Variants in CIITA observed in about 807,000 individuals in gnomAD.
CIITA encodes the protein MHC class II transactivator.
A neutral mutation model predicts 115.1 loss-of-function variants in CIITA; 72 were observed. The observed-to-expected ratio is 0.63, with a 90% CI of 0.52 to 0.76. The LOEUF (loss-of-function observed/expected upper bound fraction) is 0.76, where lower values mean the gene tolerates loss of function less well. Ranked by LOEUF, CIITA falls within the 30% of genes least tolerant of loss-of-function variation. CIITA has a pLI of 0.00. For missense variants in CIITA, 1,617 were observed against 1,463.8 expected, an observed-to-expected ratio of 1.10 and a Z score of -1.71; for synonymous variants, 763 against 635.6, an observed-to-expected ratio of 1.20 and a Z score of -3.02.
At chr16:10,904,925 A>T in intron 10 of CIITA, 113 bp downstream of exon 10, 1 of 1,080,318 alleles carries the variant, frequency 9.3e-7, no homozygotes, top group South Asian at 1.3e-5. Flanking sequence ...TGGCTCACAC[A>T]CTCATTTATT....
intron 1 of CIITA, among the ~76,000 whole-genome samples, chr16:10,884,179 G>C (rs181010521): frequency 3.6e-5 from 5 of 137,508 alleles, no homozygotes; most frequent in African/African-American, 1.3e-4. Flanking sequence ...CTGCTGAGAA[G>C]CCCTTTGGCT....
chr16:10,909,806 T>C (rs374892794), intron 12 of CIITA, among the ~76,000 whole-genome samples: 1 of 152,166 alleles, frequency 6.6e-6, no homozygotes, highest in South Asian at 2.1e-4. Context: ...CGATCATAGC[T>C]TACTGTAGCT....
intron 5 of CIITA, among the ~76,000 whole-genome samples, chr16:10,899,418 C>T (rs1310157229): frequency 6.6e-6 from 1 of 152,180 alleles, no homozygotes; most frequent in Non-Finnish European, 1.5e-5. Context: ...AAACTGTCAC[C>T]TCTTCCTGGA....
chr16:10,908,712 A>G (rs2039348279), intron 11 of CIITA: 1 of 560,240 alleles, frequency 1.8e-6, no homozygotes, highest in Non-Finnish European at 3.2e-6. Context: ...TTTCAGCTTA[A>G]TCGCCAGAGG....
chr16:10,868,668 C>T (rs558521528), intron 1 of CIITA, among the ~76,000 whole-genome samples: 1 of 152,208 alleles, frequency 6.6e-6, no homozygotes, highest in African/African-American at 2.4e-5. Context: ...CTCTCCCTGG[C>T]TGCAGCCCCT....
intron 1 of CIITA, among the ~76,000 whole-genome samples, chr16:10,867,867 C>T (rs989147328): frequency 1.3e-5 from 2 of 152,148 alleles, no homozygotes; most frequent in African/African-American, 4.8e-5. Context: ...GTGATCCTCC[C>T]ACCTCAGCCT....
intron 9 of CIITA, 59 bp from the exon 10 acceptor site, chr16:10,904,685 A>T: frequency 6.3e-7 from 1 of 1,581,316 alleles, no homozygotes; most frequent in Non-Finnish European, 8.7e-7. Context: ...GCCCAGAGGG[A>T]GGGGGGTCCC....
upstream of CIITA, chr16:10,866,234 G>C: frequency 2.0e-6 from 1 of 488,066 alleles, no homozygotes; most frequent in Non-Finnish European, 4.0e-6. Flanking sequence ...TGCATGCTGG[G>C]TGAGCGGAGA....
At chr16:10,898,884 C>T in intron 4 of CIITA, 41 bp from the exon 5 acceptor site, 1 of 1,610,680 alleles carries the variant, frequency 6.2e-7, no homozygotes, top group Non-Finnish European at 8.5e-7. Context: ...CTTGGGCTTT[C>T]ATTGATTGTG....
rs2040786556 is a variant in CIITA at position 10,931,392 on chromosome 16, AG to A, written c.*7538del. On this transcript the variant is annotated 3_prime_UTR_variant, in exon 20 of 20. Coordinates refer to ENST00000324288, the MANE Select transcript of CIITA (RefSeq NM_000246.4). ...CACAAACCGCATCCCCGACAGTCCC[AG>A]CCAGGCGCTAGTCTGGCTGTAGCTG... is the stretch of plus-strand genomic sequence containing the variant. 6.6e-6 allele frequency: 1 copy of A among 152,248 alleles called. No individual in the cohort carries two copies. The highest frequency in any genetic ancestry group is 2.4e-5 in the African/African-American group (1 of 41,446). The allele number at this position is 152,248 out of a possible 1,614,324, so 9.4% of individuals were successfully genotyped here. A position where few individuals can be genotyped will look rare whatever the true frequency, so the allele number is the denominator to read the frequency against.
chr16:10,884,310 G>A (rs1362786823), intron 1 of CIITA, among the ~76,000 whole-genome samples: 1 of 152,210 alleles, frequency 6.6e-6, no homozygotes, highest in Non-Finnish European at 1.5e-5. Context: ...CCATTCAACG[G>A]TGCTGGAATT....
In CIITA at chr16:10,902,813, G is replaced by A. The variant is rs149554407; in HGVS notation, c.772+12G>A. 1.8e-4 allele frequency: 292 copies of A among 1,613,968 alleles called. 1 individual carries two copies. In the African/African-American group the frequency reaches 3.4e-3, roughly 19 times the overall value. Reference sequence around the variant, plus strand: ...ATTCATCTACCATGGTGAGTGCGGGGCCTGGCTCCCCGACCACCTCTCCCT... The same window carrying A: ...ATTCATCTACCATGGTGAGTGCGGGACCTGGCTCCCCGACCACCTCTCCCT... On this transcript the variant is annotated intron_variant, in intron 8 of 19. Coordinates refer to ENST00000324288, the MANE Select transcript of CIITA (RefSeq NM_000246.4).
chr16:10,885,671 A>G (rs2036874935), intron 1 of CIITA, among the ~76,000 whole-genome samples: 1 of 152,114 alleles, frequency 6.6e-6, no homozygotes, highest in South Asian at 2.1e-4. Flanking sequence ...CAAGTCCAGC[A>G]TGTTCCTATC....
chr16:10,913,966 T>TAAATAAATAAATAAATAAAA (rs746599484), intron 13 of CIITA, among the ~76,000 whole-genome samples: 1 of 77,362 alleles, frequency 1.3e-5, no homozygotes, highest in African/African-American at 4.5e-5. Flanking sequence ...AATAAATAAA[T>TAAATAAATAAATAAATAAAA]AGAACTCCAT....
At chr16:10,900,472 G>A (rs552854248) in intron 5 of CIITA, among the ~76,000 whole-genome samples, 2 of 152,198 alleles carry the variant, frequency 1.3e-5, no homozygotes, top group Non-Finnish European at 2.9e-5. Context: ...AGGCGTGGTG[G>A]CTCACATCTG....
In CIITA at chr16:10,918,504, G is replaced by T. The variant is rs1216256055; in HGVS notation, c.3127G>T (p.Ala1043Ser). 1.2e-6 allele frequency: 2 copies of T among 1,614,066 alleles called. No homozygotes were observed. The highest frequency in any genetic ancestry group is 2.2e-5 in the South Asian group (2 of 91,084). The change falls in exon 16 of 20, where the codon GCT (alanine) becomes TCT (serine). Residue 1043 changes from alanine to serine, a missense_variant. Ala to Ser is a moderately conservative substitution (Grantham distance 99). Coordinates refer to ENST00000324288, the MANE Select transcript of CIITA (RefSeq NM_000246.4). ...YKLAEALPSLAASLLRLSLYN... is the reference protein window; with the variant it reads ...YKLAEALPSLSASLLRLSLYN... The stretch of plus-strand genomic sequence containing the variant: ...ACTCGCCGAGGCCCTGCCTTCGCTC[G>T]CTGCATCCCTGCTCAGGCTAAGGTG...
chr16:10,911,840 C>T (rs968719684), intron 13 of CIITA, among the ~76,000 whole-genome samples: 4 of 152,006 alleles, frequency 2.6e-5, no homozygotes, highest in South Asian at 2.1e-4. Context: ...TGCGAGCTCC[C>T]GCACCTGGCC....
chr16:10,942,617 G>T lies in CIITA; in HGVS notation n.1743G>T, dbSNP rs1431383741. ...CGCCCCTCGGGGCCCTAGCGTCTGA[G>T]TTGCTTTCCTGGTTCGGGTCTGCCC... On this transcript the variant is annotated non_coding_transcript_exon_variant, in exon 2 of 2. Transcript: ENST00000573379. This position sits in a 1 kb window ranked among gnomAD's most constrained non-coding sequence, Gnocchi z 5.0. 6.6e-6 allele frequency: 1 copy of T among 152,342 alleles called. No individual in the cohort carries two copies. The highest frequency in any genetic ancestry group is 1.5e-5 in the Non-Finnish European group (1 of 68,112). The allele number at this position is 152,342 out of a possible 1,614,324, so 9.4% of individuals were successfully genotyped here. A position where few individuals can be genotyped will look rare whatever the true frequency, so the allele number is the denominator to read the frequency against.
At chr16:10,899,071 T>G in intron 5 of CIITA, 69 bp downstream of exon 5, 4 of 1,473,216 alleles carry the variant, frequency 2.7e-6, no homozygotes, top group Non-Finnish European at 3.8e-6. Flanking sequence ...CTCCAAAGCC[T>G]GCTGTGGGTC....
Sources: allele counts gnomAD v4.1 joint callset (sites outside exome capture counted in the v4.1 genomes callset), GRCh38; gene constraint gnomAD v4.1.1; non-coding constraint Gnocchi (gnomAD v3.1); transcripts MANE v1.5; gene names NCBI Gene and HGNC (gene_info 2026-07-23, HGNC 2026-07-21).